The following TFDP2 variants were observed in gnomAD, a reference collection of about 807,000 sequenced individuals.
TFDP2 encodes the protein transcription factor Dp-2 (E2F dimerization partner 2).
A neutral mutation model predicts 59.3 loss-of-function variants in TFDP2; 17 were observed. That is an observed-to-expected ratio of 0.29 (90% CI 0.20 to 0.43). The LOEUF (loss-of-function observed/expected upper bound fraction) is 0.43. Among genes scored for constraint, TFDP2 ranks in the 20% least tolerant of loss-of-function variants. The pLI is 1.00. For synonymous variants in TFDP2, 180 were observed against 194.7 expected (o/e 0.92, Z 0.63); for missense variants, 391 against 528.8 (o/e 0.74, Z 2.56).
chr3:142,074,096 T>C (rs2060355368), intron 3 of TFDP2, among the ~76,000 whole-genome samples: 1 of 152,194 alleles, frequency 6.6e-6, no homozygotes, highest in Admixed American at 6.5e-5. Context: ...AGACACAGGC[T>C]GATGGAATAA....
chr3:142,120,353 C>T (rs994181011), intron 1 of TFDP2, among the ~76,000 whole-genome samples: 1 of 151,960 alleles, frequency 6.6e-6, no homozygotes, highest in Non-Finnish European at 1.5e-5. Flanking sequence ...CAGAGCCAGA[C>T]TACGTCTCAA....
At chr3:142,003,873 T>C (rs907348970) in intron 4 of TFDP2, among the ~76,000 whole-genome samples, 1 of 152,148 alleles carries the variant, frequency 6.6e-6, no homozygotes, top group Non-Finnish European at 1.5e-5. Flanking sequence ...AAATTATACA[T>C]GCTTCCAAAG....
chr3:142,101,799 A>G lies in TFDP2; in HGVS notation c.-50T>C. 1 of 1,193,418 alleles carries G rather than the reference A, an allele frequency of 8.4e-7. No homozygotes were observed. The highest frequency in any genetic ancestry group is 1.1e-6 in the Non-Finnish European group (1 of 897,280). 73.9% of individuals were successfully genotyped at this position (1,193,418 alleles called of 1,614,324 possible). A position where few individuals can be genotyped will look rare whatever the true frequency, so the allele number is the denominator to read the frequency against. On this transcript the variant is annotated 5_prime_UTR_variant, in exon 2 of 13. Transcript: ENST00000489671. ...TCTGTAAAGCCATTAAAAAAATAAA[A>G]AGAAAAAAACCTTCGTCTTCAATAA...
chr3:142,139,386 T>C (rs1164555258), intron 1 of TFDP2, among the ~76,000 whole-genome samples: 1 of 152,242 alleles, frequency 6.6e-6, no homozygotes, highest in East Asian at 1.9e-4. Flanking sequence ...AATATTGTTA[T>C]GTGTGGATTT....
At chr3:142,084,594 T>C (rs1398915398) in intron 3 of TFDP2, among the ~76,000 whole-genome samples, 2 of 152,014 alleles carry the variant, frequency 1.3e-5, no homozygotes, top group Non-Finnish European at 2.9e-5. Flanking sequence ...AACATACAAA[T>C]GGATAAAGAA....
At chr3:142,116,023 G>A (rs2061842369) in intron 1 of TFDP2, among the ~76,000 whole-genome samples, 1 of 151,712 alleles carries the variant, frequency 6.6e-6, no homozygotes, top group Non-Finnish European at 1.5e-5. Flanking sequence ...GGGGGAAGTT[G>A]GGCTACGGGT....
intron 3 of TFDP2, among the ~76,000 whole-genome samples, chr3:142,046,442 T>C (rs1947348907): frequency 6.6e-6 from 1 of 152,168 alleles, no homozygotes; most frequent in Non-Finnish European, 1.5e-5. Flanking sequence ...CTTCATCACA[T>C]CTGAAAACGT....
chr3:142,136,849 T>C (rs1431996670), intron 1 of TFDP2, among the ~76,000 whole-genome samples: 2 of 152,082 alleles, frequency 1.3e-5, no homozygotes, highest in East Asian at 3.9e-4. Flanking sequence ...TTCTTTTTGC[T>C]TAGGATTGTC....
chr3:142,113,455 T>A (rs1577015175), intron 1 of TFDP2, among the ~76,000 whole-genome samples: 2 of 151,910 alleles, frequency 1.3e-5, no homozygotes, highest in Non-Finnish European at 1.5e-5. Context: ...AGAGACGGGG[T>A]TCCACCATGT....
rs550583671 is a variant in TFDP2, at chr3:142,022,171, A to G, written c.83-16627T>C. On this transcript the variant is annotated intron_variant, in intron 3 of 12. Coordinates refer to ENST00000489671, the MANE Select transcript of TFDP2 (RefSeq NM_001178139.2). ...CAGTTCTTCCCAAATATGAGTGATCACAAGATTCACTACAAAGGGAAGAGA... is the reference window on the plus strand; with the variant it reads ...CAGTTCTTCCCAAATATGAGTGATCGCAAGATTCACTACAAAGGGAAGAGA... Among the ~76,000 whole-genome samples the G allele has an allele frequency of 1.1e-4, 17 of 152,318 alleles. No homozygotes were observed. In the South Asian group the frequency reaches 3.3e-3, roughly 30 times the overall value.
intron 2 of TFDP2, among the ~76,000 whole-genome samples, chr3:142,095,452 T>C (rs1276362336): frequency 6.6e-6 from 1 of 152,258 alleles, no homozygotes; most frequent in African/African-American, 2.4e-5. Context: ...TATTTTTACA[T>C]ATTTTTCATA....
At chr3:141,997,261 A>C (rs1054490851) in intron 4 of TFDP2, among the ~76,000 whole-genome samples, 11 of 152,228 alleles carry the variant, frequency 7.2e-5, no homozygotes, top group Admixed American at 6.5e-4. Flanking sequence ...AAGTAACTTC[A>C]TTTATTGATA....
chr3:141,974,766 C>T (rs1940341032), intron 7 of TFDP2, among the ~76,000 whole-genome samples: 2 of 152,012 alleles, frequency 1.3e-5, no homozygotes, highest in Admixed American at 6.6e-5. Flanking sequence ...TAAAACTGTG[C>T]TTCTCAAAAT....
intron 11 of TFDP2, among the ~76,000 whole-genome samples, chr3:141,955,160 A>T (rs1489761235): frequency 6.6e-6 from 1 of 152,200 alleles, no homozygotes; most frequent in Non-Finnish European, 1.5e-5. Flanking sequence ...AACACATTAC[A>T]TTCTCTTTTT....
At chr3:141,957,853 T>C (rs1295418754) in intron 11 of TFDP2, among the ~76,000 whole-genome samples, 1 of 152,202 alleles carries the variant, frequency 6.6e-6, no homozygotes, top group Non-Finnish European at 1.5e-5. Flanking sequence ...GGTTTGGGTT[T>C]CTTTTTGGGT....
intron 3 of TFDP2, among the ~76,000 whole-genome samples, chr3:142,091,391 C>A (rs930449884): frequency 3.3e-5 from 5 of 152,008 alleles, no homozygotes; most frequent in African/African-American, 1.2e-4. Context: ...ACCGTGGAAA[C>A]CCTGTCTCTA....
intron 1 of TFDP2, among the ~76,000 whole-genome samples, chr3:142,112,573 T>C (rs961786782): frequency 2.0e-5 from 3 of 152,248 alleles, no homozygotes; most frequent in Admixed American, 6.5e-5. Context: ...GGTGAACACA[T>C]TGACAAAGTG....
intron 2 of TFDP2, among the ~76,000 whole-genome samples, chr3:142,095,801 G>A (rs2061143513): frequency 1.3e-5 from 2 of 152,164 alleles, no homozygotes; most frequent in East Asian, 1.9e-4. Context: ...GATGACAGAG[G>A]CAAAACTTGT....
At chr3:142,091,823 T>G (rs1003489214) in intron 3 of TFDP2, among the ~76,000 whole-genome samples, 6 of 152,054 alleles carry the variant, frequency 3.9e-5, no homozygotes, top group Non-Finnish European at 8.8e-5. Context: ...CACAATAGGG[T>G]TCGCCCTCCT....
Sources: allele counts gnomAD v4.1 joint callset (sites outside exome capture counted in the v4.1 genomes callset), GRCh38; gene constraint gnomAD v4.1.1; transcripts MANE v1.5; gene names NCBI Gene and HGNC (gene_info 2026-07-23, HGNC 2026-07-21).